LITAF: variants seen among roughly 807,000 people sequenced by gnomAD.
LITAF encodes the protein lipopolysaccharide-induced tumor necrosis factor-alpha factor.
A neutral mutation model predicts 14.5 loss-of-function variants in LITAF; 9 were observed. That is an observed-to-expected ratio of 0.62 (90% CI 0.37 to 1.08). The LOEUF (loss-of-function observed/expected upper bound fraction) is 1.08. Among genes scored for constraint, LITAF ranks in the 50% least tolerant of loss-of-function variants. LITAF has a pLI of 0.01. For synonymous variants in LITAF, 98 were observed against 88.2 expected (o/e 1.11, Z -0.62); for missense variants, 206 against 213.4 (o/e 0.97, Z 0.22).
chr16:11,569,096 T>C (rs867304976), intron 1 of LITAF, among the ~76,000 whole-genome samples: 44 of 152,260 alleles, frequency 2.9e-4, no homozygotes, highest in Middle Eastern at 6.8e-3. Flanking sequence ...GGACGGATAG[T>C]GTCCAAGGCT....
At chr16:11,623,260 C>G (rs1358467600) in intron 3 of LITAF, among the ~76,000 whole-genome samples, 1 of 151,676 alleles carries the variant, frequency 6.6e-6, no homozygotes, top group African/African-American at 2.4e-5. Flanking sequence ...CGCGCCCGGC[C>G]GAATATATTT....
intron 3 of LITAF, among the ~76,000 whole-genome samples, chr16:11,631,161 G>T (rs2065116044): frequency 6.6e-6 from 1 of 152,224 alleles, no homozygotes; most frequent in Non-Finnish European, 1.5e-5. Flanking sequence ...CACTGCAGGA[G>T]AAGCTGCTTA....
At chr16:11,560,979 CCT>C (rs1597337213) in intron 1 of LITAF, among the ~76,000 whole-genome samples, 1 of 152,166 alleles carries the variant, frequency 6.6e-6, no homozygotes, top group Non-Finnish European at 1.5e-5. Context: ...CCCGGGAACC[CCT>C]GACATCTGCT....
rs113211154 is a variant in LITAF at position 11,634,906 on chromosome 16, C to T, written c.-21+919G>A. On this transcript the variant is annotated intron_variant, in intron 2 of 3. Transcript: ENST00000574848. This position sits in a 1 kb window ranked among gnomAD's most constrained non-coding sequence, Gnocchi z 4.1. ...AAAACTAGCTGGGCGTGTTGGTGGG[C>T]ACCTATAATCCCAGCTATTTGGGAG... 8.2e-3 allele frequency among the ~76,000 whole-genome samples: 1,244 copies of T among 152,144 alleles called. 11 individuals carry two copies. Among genetic ancestry groups the T allele is most frequent in the South Asian group, 0.044 (211 of 4,814 alleles).
chr16:11,623,501 G>A (rs1181009652), intron 3 of LITAF, among the ~76,000 whole-genome samples: 1 of 149,950 alleles, frequency 6.7e-6, no homozygotes, highest in African/African-American at 2.4e-5. Context: ...CTCTACTAAA[G>A]ATACAAAAAT....
At chr16:11,602,864 G>A (rs193076915), upstream of LITAF, among the ~76,000 whole-genome samples, 1 of 152,002 alleles carries the variant, frequency 6.6e-6, no homozygotes, top group East Asian at 1.9e-4. Context: ...TAATCTCAGA[G>A]CTTTGAGAGG....
At chr16:11,582,478 G>A (rs368899959) in intron 1 of LITAF, among the ~76,000 whole-genome samples, 2 of 152,114 alleles carry the variant, frequency 1.3e-5, no homozygotes, top group African/African-American at 4.8e-5. Flanking sequence ...AAGATAAAGC[G>A]GCTTTTTAAC....
rs1011315120 is a variant in LITAF, at chr16:11,605,482, T to C, written c.85+28051A>G. On this transcript the variant is annotated intron_variant, in intron 3 of 3. Transcript: ENST00000574848. This position sits in a 1 kb window ranked among gnomAD's most constrained non-coding sequence, Gnocchi z 4.7. ...CCCTTCCCAGCCCCGTGTCTCTCTT[T>C]ACAGCCCAGAGCCGCACAGGAGGGA... Among the ~76,000 whole-genome samples, 21 of 151,746 alleles carry C rather than the reference T, an allele frequency of 1.4e-4. No individual in the cohort carries two copies. The highest frequency in any genetic ancestry group is 4.8e-4 in the African/African-American group (20 of 41,290).
In LITAF at chr16:11,634,276, A is replaced by G. The variant is rs28396436; in HGVS notation, c.-20-639T>C. On this transcript the variant is annotated intron_variant, in intron 2 of 3. Coordinates refer to the LITAF transcript ENST00000574848. The surrounding 1 kb of genome is among the most constrained non-coding windows in gnomAD (Gnocchi z 4.1). ...CTTCATCATTCCTGGACTTGGGCCAAACTAACTCTGGGGAACATTTAGTTT... is the reference window on the plus strand; with the variant it reads ...CTTCATCATTCCTGGACTTGGGCCAGACTAACTCTGGGGAACATTTAGTTT... Among the ~76,000 whole-genome samples, 2 of 152,178 alleles carry G rather than the reference A, an allele frequency of 1.3e-5. No individual in the cohort carries two copies. Among genetic ancestry groups the G allele is most frequent in the Admixed American group, 6.5e-5 (1 of 15,274 alleles).
intron 3 of LITAF, among the ~76,000 whole-genome samples, chr16:11,612,481 T>C (rs906391827): frequency 6.6e-5 from 10 of 152,268 alleles, no homozygotes; most frequent in Non-Finnish European, 1.5e-4. Context: ...AGCAGGTTTC[T>C]GTGGGAACGG....
intron 1 of LITAF, among the ~76,000 whole-genome samples, chr16:11,582,462 T>C (rs1426881621): frequency 6.6e-6 from 1 of 152,148 alleles, no homozygotes; most frequent in Non-Finnish European, 1.5e-5. Flanking sequence ...GGGCAAGGCC[T>C]TCAGAAAGAT....
intron 3 of LITAF, among the ~76,000 whole-genome samples, chr16:11,607,108 C>T (rs2141872937): frequency 6.6e-6 from 1 of 152,328 alleles, no homozygotes; most frequent in African/African-American, 2.4e-5. Context: ...AGAGCCCCAG[C>T]TTCCACTGCT....
At chr16:11,608,050 G>A (rs2064963591) in intron 3 of LITAF, among the ~76,000 whole-genome samples, 1 of 152,196 alleles carries the variant, frequency 6.6e-6, no homozygotes, top group South Asian at 2.1e-4. Context: ...ACAGCTGGCT[G>A]AAGAAATAAA....
At chr16:11,599,165 C>A (rs11642869), upstream of LITAF, among the ~76,000 whole-genome samples, 1 of 150,966 alleles carries the variant, frequency 6.6e-6, no homozygotes, top group East Asian at 2.0e-4. Context: ...GTCACCCAGG[C>A]TAAAGTGCAG....
At chr16:11,636,653 C>T (rs2065139584), upstream of LITAF, among the ~76,000 whole-genome samples, 1 of 152,126 alleles carries the variant, frequency 6.6e-6, no homozygotes, top group Admixed American at 6.6e-5. Context: ...AAATAGAGCC[C>T]CCGTGTTGAA....
At chr16:11,550,006 A>G (rs973170331) in intron 3 of LITAF, among the ~76,000 whole-genome samples, 1 of 152,226 alleles carries the variant, frequency 6.6e-6, no homozygotes. Flanking sequence ...TGATGAGGCC[A>G]TAAGCCAAGG....
chr16:11,626,658 G>A (rs996663431), intron 3 of LITAF, among the ~76,000 whole-genome samples: 1 of 150,494 alleles, frequency 6.6e-6, no homozygotes, highest in Admixed American at 6.6e-5. Flanking sequence ...TTTTAGTAGA[G>A]ACGGGGTTTT....
At chr16:11,568,059 G>T (rs748603821) in intron 1 of LITAF, among the ~76,000 whole-genome samples, 6 of 151,970 alleles carry the variant, frequency 3.9e-5, no homozygotes, top group Non-Finnish European at 8.8e-5. Context: ...AGCCCAAGGC[G>T]GGAGGATGGC....
intron 3 of LITAF, among the ~76,000 whole-genome samples, chr16:11,628,009 C>CA (rs34480494): frequency 0.034 from 1,851 of 54,232 alleles, 68 homozygotes; most frequent in East Asian, 0.14. Flanking sequence ...GAGACTCTGT[C>CA]AAAAAAAAAA....
Sources: allele counts gnomAD v4.1 joint callset (sites outside exome capture counted in the v4.1 genomes callset), GRCh38; gene constraint gnomAD v4.1.1; non-coding constraint Gnocchi (gnomAD v3.1); transcripts MANE v1.5; gene names NCBI Gene and HGNC (gene_info 2026-07-23, HGNC 2026-07-21).